SORBS2: variants seen among roughly 807,000 people sequenced by gnomAD.
The protein encoded by SORBS2 is sorbin and SH3 domain-containing protein 2.
SORBS2 carries 46 observed loss-of-function variants against 97.7 expected under a neutral mutation model. The ratio of observed to expected loss-of-function variants is 0.47; its 90% CI spans 0.37 to 0.60. The LOEUF (loss-of-function observed/expected upper bound fraction) is 0.60, where lower values mean the gene tolerates loss of function less well. Ranked by LOEUF, SORBS2 falls within the 20% of genes least tolerant of loss-of-function variation. The pLI is 0.00. For synonymous variants in SORBS2, 476 were observed against 473.4 expected, an observed-to-expected ratio of 1.01 and a Z score of -0.07; for missense variants, 1,316 against 1,282.3, an observed-to-expected ratio of 1.03 and a Z score of -0.40.
chr4:185,650,149 G>T (rs1271701309), intron 2 of SORBS2, among the ~76,000 whole-genome samples: 1 of 152,174 alleles, frequency 6.6e-6, no homozygotes, highest in Admixed American at 6.5e-5. Context: ...GCTGTGCAAG[G>T]TACAAGGAAA....
intron 1 of SORBS2, among the ~76,000 whole-genome samples, chr4:185,948,704 G>A (rs2099275757): frequency 6.6e-6 from 1 of 151,588 alleles, no homozygotes; most frequent in Non-Finnish European, 1.5e-5. Context: ...TTTTAGTAGA[G>A]ACAGGGTTTC....
chr4:185,613,139 T>C (rs377715964), intron 11 of SORBS2, among the ~76,000 whole-genome samples: 37 of 152,332 alleles, frequency 2.4e-4, no homozygotes, highest in South Asian at 1.7e-3. Context: ...AAACTGCAGC[T>C]GCATTCAGCA....
Position 185,931,636 on chromosome 4 carries a change from G to A in SORBS2, c.-338+24560C>T, listed in dbSNP as rs2099266480. Among the ~76,000 whole-genome samples the A allele has an allele frequency of 2.0e-5, 3 of 152,140 alleles. No homozygotes were observed. The South Asian group carries it at 6.2e-4, about 32-fold the overall frequency. ...ATGAGGCATTTGATCAGGTACCAAG[G>A]GGGATCAGACCCCAAGTGCAGGGGA... On this transcript the variant is annotated intron_variant, in intron 1 of 20. Transcript: ENST00000284776.
In SORBS2 at chr4:185,607,185, C is replaced by A; in HGVS notation, c.2796+4595G>T. ...AAGCACCAAGCTTCTCCAATTCACC[C>A]AAGAAGTTGTCCAGGAAACGAGGTG... On this transcript the variant is annotated intron_variant, in intron 12 of 14. Coordinates refer to ENST00000418609, the Ensembl canonical transcript of SORBS2. The surrounding 1 kb of genome is among the most constrained non-coding windows in gnomAD (Gnocchi z 5.2). 1 of 1,130,494 alleles carries A rather than the reference C, an allele frequency of 8.8e-7. No individual in the cohort carries two copies. Among genetic ancestry groups the A allele is most frequent in the African/African-American group, 1.7e-5 (1 of 59,322 alleles). 70.0% of individuals were successfully genotyped at this position (1,130,494 alleles called of 1,614,324 possible).
intron 1 of SORBS2, among the ~76,000 whole-genome samples, chr4:185,833,840 T>A (rs2099206452): frequency 6.6e-6 from 1 of 152,188 alleles, no homozygotes; most frequent in African/African-American, 2.4e-5. Context: ...TGGAAATAAT[T>A]CGTTTCATAT....
At chr4:185,775,874 A>G (rs2098997563) in intron 1 of SORBS2, 1 of 152,182 alleles carries the variant, frequency 6.6e-6, no homozygotes, top group Admixed American at 6.5e-5. Context: ...GCCCGCACCT[A>G]AATTTCCAGT....
At chr4:185,799,400 T>C (rs1035068148) in intron 1 of SORBS2, among the ~76,000 whole-genome samples, 2 of 152,148 alleles carry the variant, frequency 1.3e-5, no homozygotes, top group African/African-American at 4.8e-5. Flanking sequence ...AACCGGGTAG[T>C]GGGAAGTTTT....
intron 2 of SORBS2, among the ~76,000 whole-genome samples, chr4:185,695,597 T>C (rs539445814): frequency 4.6e-5 from 7 of 152,272 alleles, no homozygotes; most frequent in East Asian, 3.9e-4. Flanking sequence ...AATTTACTTA[T>C]TTATTTTGAA....
chr4:185,608,166 T>C (rs1209150088), intron 12 of SORBS2, among the ~76,000 whole-genome samples: 1 of 152,234 alleles, frequency 6.6e-6, no homozygotes, highest in Non-Finnish European at 1.5e-5. Flanking sequence ...TCCTGCAGGA[T>C]AGCCCAATCT....
At chr4:185,747,187 G>A (rs752988281) in intron 2 of SORBS2, among the ~76,000 whole-genome samples, 3 of 152,088 alleles carry the variant, frequency 2.0e-5, no homozygotes, top group African/African-American at 7.2e-5. Flanking sequence ...GGTGGCCGTC[G>A]GCAAGACAAG....
At chr4:185,763,848 G>C (rs1403849522) in intron 2 of SORBS2, among the ~76,000 whole-genome samples, 2 of 152,132 alleles carry the variant, frequency 1.3e-5, no homozygotes, top group Non-Finnish European at 2.9e-5. Flanking sequence ...AGATAGTGAT[G>C]TCTACCAGCT....
intron 1 of SORBS2, among the ~76,000 whole-genome samples, chr4:185,941,458 G>T (rs771655659): frequency 6.6e-6 from 1 of 152,036 alleles, no homozygotes; most frequent in Non-Finnish European, 1.5e-5. Context: ...TTTATCTCTG[G>T]ATCCTCTCTG....
intron 1 of SORBS2, among the ~76,000 whole-genome samples, chr4:185,928,829 A>G (rs1332007936): frequency 6.6e-6 from 1 of 152,112 alleles, no homozygotes; most frequent in African/African-American, 2.4e-5. Context: ...TCCAGGCGTG[A>G]GCCACCGCGC....
At chr4:185,891,876 C>T (rs1413504580) in intron 1 of SORBS2, among the ~76,000 whole-genome samples, 1 of 152,126 alleles carries the variant, frequency 6.6e-6, no homozygotes, top group Non-Finnish European at 1.5e-5. Context: ...GCTCTGTCTC[C>T]AGGTTGGGAG....
intron 1 of SORBS2, among the ~76,000 whole-genome samples, chr4:185,837,187 A>G (rs747690645): frequency 9.9e-5 from 15 of 152,176 alleles, no homozygotes; most frequent in Non-Finnish European, 2.1e-4. Flanking sequence ...GCTCCGGAAA[A>G]TTGCCAAGTT....
intron 2 of SORBS2, among the ~76,000 whole-genome samples, chr4:185,733,314 G>A (rs1279123071): frequency 6.6e-6 from 1 of 152,042 alleles, no homozygotes; most frequent in South Asian, 2.1e-4. Context: ...AGTGATATGT[G>A]GTGGTGGTAA....
intron 2 of SORBS2, among the ~76,000 whole-genome samples, chr4:185,651,074 GA>G (rs1196503312): frequency 1.3e-5 from 2 of 151,912 alleles, no homozygotes. Context: ...AAAGAAAGAA[GA>G]AAAAAAATAG....
chr4:185,770,130 G>C (rs62334854), intron 2 of SORBS2, among the ~76,000 whole-genome samples: 1 of 150,486 alleles, frequency 6.6e-6, no homozygotes, highest in Non-Finnish European at 1.5e-5. Context: ...CCAGGCTAGA[G>C]TGCAGTGGCA....
chr4:185,651,286 A>G (rs141628890), intron 2 of SORBS2, among the ~76,000 whole-genome samples: 1 of 152,210 alleles, frequency 6.6e-6, no homozygotes, highest in Admixed American at 6.5e-5. Flanking sequence ...TATTGTGACC[A>G]CTGGCAATTC....
Sources: allele counts gnomAD v4.1 joint callset (sites outside exome capture counted in the v4.1 genomes callset), GRCh38; gene constraint gnomAD v4.1.1; non-coding constraint Gnocchi (gnomAD v3.1); transcripts MANE v1.5; gene names NCBI Gene and HGNC (gene_info 2026-07-23, HGNC 2026-07-21).